The following CENPQ variants were observed in gnomAD, a reference collection of about 807,000 sequenced individuals.
CENPQ encodes chromosome 6 open reading frame 139.
Under a neutral mutation model 36.6 loss-of-function variants are expected in CENPQ, and 27 were observed. The observed-to-expected ratio is 0.74, with a 90% CI of 0.54 to 1.02. The LOEUF (loss-of-function observed/expected upper bound fraction) is 1.02, where lower values mean the gene tolerates loss of function less well. Among genes scored for constraint, CENPQ ranks in the 50% least tolerant of loss-of-function variants. CENPQ has a pLI of 0.00. For missense variants in CENPQ, 306 were observed against 301.8 expected, an observed-to-expected ratio of 1.01 and a Z score of -0.10; for synonymous variants, 101 against 101.7, an observed-to-expected ratio of 0.99 and a Z score of 0.04.
chr6:49,463,606 C>T (rs1457898102), intron 1 of CENPQ, among the ~76,000 whole-genome samples, 153 bp downstream of exon 1: 1 of 152,092 alleles, frequency 6.6e-6, no homozygotes, highest in Non-Finnish European at 1.5e-5. Flanking sequence ...AAAAGATCTG[C>T]CCTTAGGATC....
At chr6:49,478,869 A>G (rs891783179) in intron 5 of CENPQ, among the ~76,000 whole-genome samples, 2 of 152,174 alleles carry the variant, frequency 1.3e-5, no homozygotes, top group Admixed American at 1.3e-4. Context: ...TGGTGATTAA[A>G]TGTTGCTGAT....
At chr6:49,482,526 A>G (rs984543879) in intron 6 of CENPQ, among the ~76,000 whole-genome samples, 1 of 152,130 alleles carries the variant, frequency 6.6e-6, no homozygotes, top group African/African-American at 2.4e-5. Context: ...AGGCCAGGGA[A>G]AGTGCCAGTG....
Position 49,470,184 on chromosome 6 carries a change from G to A in CENPQ, c.8G>A (p.Gly3Asp). The A allele has an allele frequency of 6.3e-7, 1 of 1,594,580 alleles. No homozygotes were observed. Among genetic ancestry groups the A allele is most frequent in the Non-Finnish European group, 8.6e-7 (1 of 1,167,428 alleles). ...CACTGTGTTTAGATCAAGATGTCTG[G>A]TAAAGCAAATGCTTCCAAGAAAAAC... MS[G>D]KANASKKNAQ... Residue 3 changes from glycine (G) to aspartate (D), a missense_variant, in exon 2 of 9, where the codon GGT becomes GAT. By Grantham distance (94) the Gly-to-Asp change is moderately conservative. Transcript: ENST00000335783.
At chr6:49,479,655 A>G (rs1768383189) in intron 5 of CENPQ, among the ~76,000 whole-genome samples, 1 of 152,174 alleles carries the variant, frequency 6.6e-6, no homozygotes, top group Non-Finnish European at 1.5e-5. Context: ...ATAAATTGTT[A>G]TAAAGACACA....
At chr6:49,477,943 T>G (rs1768342607) in intron 5 of CENPQ, among the ~76,000 whole-genome samples, 1 of 152,236 alleles carries the variant, frequency 6.6e-6, no homozygotes, top group Non-Finnish European at 1.5e-5. Flanking sequence ...TGAATGTGAC[T>G]ATTACATAAT....
chr6:49,464,695 G>A (rs971563995), intron 1 of CENPQ, among the ~76,000 whole-genome samples: 4 of 152,150 alleles, frequency 2.6e-5, no homozygotes, highest in African/African-American at 7.2e-5. Flanking sequence ...CAAGAACTTC[G>A]CTCATTCATA....
intron 1 of CENPQ, among the ~76,000 whole-genome samples, chr6:49,465,755 A>G (rs1222610984): frequency 6.6e-6 from 1 of 152,170 alleles, no homozygotes; most frequent in Admixed American, 6.5e-5. Flanking sequence ...CTTGCCATGA[A>G]TTCGTCTTTG....
chr6:49,471,005 A>G lies in CENPQ; in HGVS notation c.134A>G (p.His45Arg), dbSNP rs202072550. The change falls in exon 3 of 9, where the codon CAT (histidine) becomes CGT (arginine). Residue 45 changes from histidine (H) to arginine (R), a missense_variant. Transcript: ENST00000335783. ...AACACAGTGAAAAAAAATAAAAATC[A>G]TCTGAAAGATCTGTCTTCTGAAGGT... Reference protein sequence around the residue: ...VRNTVKKNKNHLKDLSSEGQT... With the variant: ...VRNTVKKNKNRLKDLSSEGQT... 7.8e-6 allele frequency: 12 copies of G among 1,530,432 alleles called. No homozygotes were observed. The East Asian group carries it at 1.2e-4, about 15-fold the overall frequency. The allele number at this position is 1,530,432 out of a possible 1,614,324, so 94.8% of individuals were successfully genotyped here. A position where few individuals can be genotyped will look rare whatever the true frequency, so the allele number is the denominator to read the frequency against.
Position 49,485,029 on chromosome 6 carries a change from A to G in CENPQ, c.478-3323A>G, listed in dbSNP as rs563700128. Among the ~76,000 whole-genome samples, 58 of 152,312 alleles carry G rather than the reference A, an allele frequency of 3.8e-4. 2 individuals carry two copies. In the South Asian group the frequency reaches 0.012, roughly 30 times the overall value. On this transcript the variant is annotated intron_variant, in intron 6 of 8. Transcript: ENST00000335783. ...CCAGCTGAAATTTGACCTCCATGGGACATAAGCATAATTACAATCTATAAT... is the reference window on the plus strand; with the variant it reads ...CCAGCTGAAATTTGACCTCCATGGGGCATAAGCATAATTACAATCTATAAT...
intron 5 of CENPQ, among the ~76,000 whole-genome samples, chr6:49,478,950 A>T (rs974865843): frequency 6.6e-6 from 1 of 152,178 alleles, no homozygotes; most frequent in African/African-American, 2.4e-5. Context: ...TCTAACTGCT[A>T]TTTAGAACAT....
At chr6:49,474,520 G>C (rs1333994733) in intron 5 of CENPQ, among the ~76,000 whole-genome samples, 1 of 152,138 alleles carries the variant, frequency 6.6e-6, no homozygotes, top group Admixed American at 6.5e-5. Context: ...TTAAAGCAGT[G>C]TGTAGAGGGA....
chr6:49,471,932 C>T (rs1336782792), intron 3 of CENPQ, 131 bp from the exon 4 acceptor site: 1 of 931,526 alleles, frequency 1.1e-6, no homozygotes, highest in Admixed American at 3.0e-5. Context: ...GTAAATTAAA[C>T]AGTTTATACA....
rs149289997 is a variant in CENPQ at position 49,492,204 on chromosome 6, C to G, written c.736C>G (p.His246Asp). Reference sequence around the variant, plus strand: ...TCTTCTAAAGGACTTGGATATTCTTCATAATTCATCACAGATGAAGAGCAT... The same window carrying G: ...TCTTCTAAAGGACTTGGATATTCTTGATAATTCATCACAGATGAAGAGCAT... ...NALLKDLDIL[H>D]NSSQMKSMST... is the part of the protein sequence containing the mutation. Residue 246 changes from histidine to aspartate, a missense_variant, in exon 9 of 9, where the codon CAT becomes GAT. His to Asp is a moderately conservative substitution (Grantham distance 81, BLOSUM62 -1). Transcript: ENST00000335783. 6.2e-6 allele frequency: 10 copies of G among 1,608,940 alleles called. No individual in the cohort carries two copies. The highest frequency in any genetic ancestry group is 2.2e-5 in the East Asian group (1 of 44,764).
intron 5 of CENPQ, among the ~76,000 whole-genome samples, chr6:49,474,929 A>T (rs768381512): frequency 1.5e-4 from 23 of 152,210 alleles, no homozygotes; most frequent in Non-Finnish European, 2.8e-4. Flanking sequence ...AAATTCCTGG[A>T]CACATACACC....
intron 6 of CENPQ, among the ~76,000 whole-genome samples, chr6:49,485,557 A>T (rs111243865): frequency 0.014 from 2,070 of 152,322 alleles, 44 homozygotes; most frequent in African/African-American, 0.045. Flanking sequence ...TATCAAGTGA[A>T]CTGAAATAAA....
At position 49,492,129 on chromosome 6, in the gene CENPQ, C is replaced by G; in HGVS notation, c.676-15C>G. On this transcript the variant is annotated splice_polypyrimidine_tract_variant and intron_variant, in intron 8 of 8. Transcript: ENST00000335783. ...AAAATGTTAACAACTACATTTAATA[C>G]TATCTTTCCCACAGAAAGAAATTTT... 1.3e-6 allele frequency: 2 copies of G among 1,584,588 alleles called. No individual in the cohort carries two copies. Among genetic ancestry groups the G allele is most frequent in the Non-Finnish European group, 1.7e-6 (2 of 1,165,388 alleles).
chr6:49,483,933 A>G (rs1219164231), intron 6 of CENPQ, among the ~76,000 whole-genome samples: 1 of 152,266 alleles, frequency 6.6e-6, no homozygotes, highest in Non-Finnish European at 1.5e-5. Context: ...AGGAGGCGCC[A>G]GGAGTGAGCA....
intron 1 of CENPQ, among the ~76,000 whole-genome samples, chr6:49,468,162 G>A (rs139158606): frequency 6.2e-4 from 95 of 152,182 alleles, no homozygotes; most frequent in African/African-American, 2.1e-3. Context: ...AGTGTGGGCT[G>A]CAGCATATTG....
chr6:49,464,414 T>C (rs931916124), intron 1 of CENPQ, among the ~76,000 whole-genome samples: 2 of 152,224 alleles, frequency 1.3e-5, no homozygotes, highest in Non-Finnish European at 2.9e-5. Flanking sequence ...GGGTGATGGT[T>C]GCTGAAGATT....
Sources: allele counts gnomAD v4.1 joint callset (sites outside exome capture counted in the v4.1 genomes callset), GRCh38; gene constraint gnomAD v4.1.1; transcripts MANE v1.5; gene names NCBI Gene and HGNC (gene_info 2026-07-23, HGNC 2026-07-21).